The following DSE variants were observed in gnomAD, a reference collection of about 807,000 sequenced individuals.
DSE encodes dermatan-sulfate epimerase.
DSE carries 36 observed loss-of-function variants against 84.4 expected under a neutral mutation model. That is an observed-to-expected ratio of 0.43 (90% CI 0.33 to 0.56). DSE has a LOEUF of 0.56. Ranked by LOEUF, DSE falls within the 20% of genes least tolerant of loss-of-function variation. DSE has a pLI of 0.06. For synonymous variants in DSE, 410 were observed against 430.1 expected (o/e 0.95, Z 0.58); for missense variants, 862 against 1,169.6 (o/e 0.74, Z 3.84).
intron 2 of DSE, chr6:116,400,155 C>T (rs533436098): frequency 6.5e-6 from 1 of 152,904 alleles, no homozygotes; most frequent in South Asian, 2.1e-4. Flanking sequence ...CAGCAGATTT[C>T]TGAGACCTGT....
intron 2 of DSE, among the ~76,000 whole-genome samples, chr6:116,283,463 G>A (rs1249481391): frequency 1.3e-5 from 2 of 152,196 alleles, no homozygotes; most frequent in African/African-American, 4.8e-5. Context: ...TGGGATGGGA[G>A]CATAGTTGCA....
At chr6:116,278,862 G>A (rs1428904841) in intron 2 of DSE, 1 of 1,614,168 alleles carries the variant, frequency 6.2e-7, no homozygotes, top group Non-Finnish European at 8.5e-7. Context: ...TTCTAAAGAA[G>A]AACTTGAACT....
intron 2 of DSE, among the ~76,000 whole-genome samples, chr6:116,341,909 T>C (rs1272988624): frequency 5.9e-5 from 9 of 152,240 alleles, no homozygotes; most frequent in African/African-American, 2.2e-4. Flanking sequence ...GTAATATAGT[T>C]TGAAGTCAGA....
intron 1 of DSE, among the ~76,000 whole-genome samples, chr6:116,379,212 G>A (rs1420556502): frequency 6.6e-6 from 1 of 152,086 alleles, no homozygotes; most frequent in Non-Finnish European, 1.5e-5. Flanking sequence ...AATGCACTCT[G>A]AGCTGATAAT....
intron 1 of DSE, among the ~76,000 whole-genome samples, chr6:116,377,370 G>A (rs1779990201): frequency 6.6e-6 from 1 of 152,144 alleles, no homozygotes; most frequent in Admixed American, 6.5e-5. Context: ...AAGTACGAAG[G>A]CAATATATCA....
rs768130032 is a variant in DSE, at chr6:116,435,959, C to T, written c.1491C>T (p.Pro497=). 3.7e-6 allele frequency: 6 copies of T among 1,613,994 alleles called. No individual in the cohort carries two copies. The highest frequency in any genetic ancestry group is 1.7e-5 in the Admixed American group (1 of 59,994). The stretch of plus-strand genomic sequence containing the variant: ...CTGTGTCAAAGAGCTGCTTTTCTCC[C>T]TGGGTGGGTCAGGTCACAGAAGACT... ...SPAVSKSCFS[P]WVGQVTEDCS... is the part of the protein sequence containing the mutation. Residue 497 remains proline, a synonymous_variant, in exon 6 of 6, where the codon CCC becomes CCT. Coordinates refer to ENST00000644252, the MANE Select transcript of DSE (RefSeq NM_013352.4).
At chr6:116,266,246 GA>G in intron 2 of DSE, among the ~76,000 whole-genome samples, 1 of 152,202 alleles carries the variant, frequency 6.6e-6, no homozygotes, top group East Asian at 1.9e-4. Context: ...CAGGAGGTGT[GA>G]ACTTGGCTGT....
At chr6:116,292,156 G>T (rs1257428408) in intron 2 of DSE, among the ~76,000 whole-genome samples, 1 of 152,134 alleles carries the variant, frequency 6.6e-6, no homozygotes, top group Non-Finnish European at 1.5e-5. Flanking sequence ...ACACCAGGAA[G>T]ACAAGTAGAG....
chr6:116,376,732 C>T (rs1027266649), intron 1 of DSE, among the ~76,000 whole-genome samples: 4 of 152,142 alleles, frequency 2.6e-5, no homozygotes, highest in African/African-American at 7.2e-5. Flanking sequence ...ATGAACAATA[C>T]TGACAAATAA....
chr6:116,413,620 CCA>C (rs1782519784), intron 2 of DSE, among the ~76,000 whole-genome samples: 1 of 152,176 alleles, frequency 6.6e-6, no homozygotes, highest in Admixed American at 6.5e-5. Context: ...GTAAAATCAG[CCA>C]CAGTTCATTC....
chr6:116,380,461 T>C (rs1017714065), intron 1 of DSE, among the ~76,000 whole-genome samples: 5 of 151,774 alleles, frequency 3.3e-5, no homozygotes, highest in Admixed American at 6.6e-5. Context: ...ATGAATTGGG[T>C]CTCAGAGGAT....
At chr6:116,349,381 T>C (rs1347099316) in intron 2 of DSE, among the ~76,000 whole-genome samples, 1 of 152,112 alleles carries the variant, frequency 6.6e-6, no homozygotes, top group African/African-American at 2.4e-5. Flanking sequence ...TCACTCAGAG[T>C]TCAGGTGCTT....
chr6:116,275,823 A>G (rs1773115304), intron 2 of DSE, among the ~76,000 whole-genome samples: 1 of 151,660 alleles, frequency 6.6e-6, no homozygotes, highest in Non-Finnish European at 1.5e-5. Flanking sequence ...AAAATGCTAG[A>G]TGCAATGAAC....
chr6:116,442,873 C>T lies in DSE; in HGVS notation c.*5528C>T, dbSNP rs1784470375. The stretch of plus-strand genomic sequence containing the variant: ...CATGGGTGAGGGGTGTTGATGATGC[C>T]ACATATACCTGTGTGTATGTGAAAC... On this transcript the variant is annotated 3_prime_UTR_variant, in exon 6 of 6. Transcript: ENST00000644252. The T allele has an allele frequency of 6.6e-6, 1 of 152,056 alleles. No individual in the cohort carries two copies. The highest frequency in any genetic ancestry group is 2.1e-4 in the South Asian group (1 of 4,824). The allele number at this position is 152,056 out of a possible 1,614,324, so 9.4% of individuals were successfully genotyped here.
intron 2 of DSE, among the ~76,000 whole-genome samples, chr6:116,406,881 T>C (rs1438749672): frequency 6.6e-6 from 1 of 152,116 alleles, no homozygotes; most frequent in Non-Finnish European, 1.5e-5. Flanking sequence ...AAGCCTGTGG[T>C]TTAGAAAGCT....
rs538006465 is a variant in DSE at position 116,437,411 on chromosome 6, T to C, written c.*66T>C. On this transcript the variant is annotated 3_prime_UTR_variant, in exon 6 of 6. Transcript: ENST00000644252. The stretch of plus-strand genomic sequence containing the variant: ...GAGTCTATGCAAAAAAAAAAATTTC[T>C]TTACCCCAGATTATCAGATTTTTTT... The C allele has an allele frequency of 1.6e-5, 22 of 1,382,082 alleles. No homozygotes were observed. In the East Asian group the frequency reaches 2.5e-4, roughly 16 times the overall value. 85.6% of individuals were successfully genotyped at this position (1,382,082 alleles called of 1,614,324 possible).
At chr6:116,400,774 G>A (rs1781542884) in intron 2 of DSE, 3 of 152,020 alleles carry the variant, frequency 2.0e-5, no homozygotes, top group African/African-American at 7.2e-5. Flanking sequence ...AGTTGTTTCT[G>A]ACTTTGACTG....
intron 3 of DSE, among the ~76,000 whole-genome samples, chr6:116,430,189 G>C (rs1209184207): frequency 6.6e-6 from 1 of 152,152 alleles, no homozygotes; most frequent in Non-Finnish European, 1.5e-5. Flanking sequence ...CTTTCCAGTG[G>C]TTTCTCAGCC....
rs757775072 is a variant in DSE at position 116,441,048 on chromosome 6, G to C, written c.*3703G>C. ...TTATTTAATTTACTGGCAAAATGAC[G>C]TATTTTTTTTTCAGCAATGTTTCAG... On this transcript the variant is annotated 3_prime_UTR_variant, in exon 6 of 6. Coordinates refer to ENST00000644252, the MANE Select transcript of DSE (RefSeq NM_013352.4). 3.3e-5 allele frequency: 5 copies of C among 151,934 alleles called. No individual in the cohort carries two copies. The highest frequency in any genetic ancestry group is 7.4e-5 in the Non-Finnish European group (5 of 67,988). 9.4% of individuals were successfully genotyped at this position (151,934 alleles called of 1,614,324 possible). A position where few individuals can be genotyped will look rare whatever the true frequency, so the allele number is the denominator to read the frequency against.
Sources: allele counts gnomAD v4.1 joint callset (sites outside exome capture counted in the v4.1 genomes callset), GRCh38; gene constraint gnomAD v4.1.1; transcripts MANE v1.5; gene names NCBI Gene and HGNC (gene_info 2026-07-23, HGNC 2026-07-21).